The following GREM2 variants were observed in gnomAD, a reference collection of about 807,000 sequenced individuals.
GREM2 encodes the protein gremlin 2, DAN family BMP antagonist.
GREM2 carries 11 observed loss-of-function variants against 14.2 expected under a neutral mutation model. The ratio of observed to expected loss-of-function variants is 0.78; its 90% CI spans 0.49 to 1.28. The LOEUF is 1.28. Among genes scored for constraint, GREM2 ranks in the 50% most tolerant of loss-of-function variants. The pLI is 0.00. For missense variants in GREM2, 210 were observed against 218.5 expected (o/e 0.96, Z 0.24); for synonymous variants, 98 against 97.6 (o/e 1.00, Z -0.02).
intron 1 of GREM2, among the ~76,000 whole-genome samples, chr1:240,505,137 C>T (rs1677650478): frequency 6.6e-6 from 1 of 152,074 alleles, no homozygotes; most frequent in Non-Finnish European, 1.5e-5. Context: ...CTTCCTCCTG[C>T]TCTGGCCATG....
chr1:240,494,832 C>T (rs550233285), intron 1 of GREM2, among the ~76,000 whole-genome samples: 1 of 151,972 alleles, frequency 6.6e-6, no homozygotes, highest in South Asian at 2.1e-4. Context: ...ACCCGGGAGG[C>T]GGAGCTTGCA....
At position 240,530,786 on chromosome 1, in the gene GREM2, T is replaced by G. The variant is rs1678338235; in HGVS notation, c.-1-37310A>C. 2.0e-5 allele frequency: 3 copies of G among 152,214 alleles called. No homozygotes were observed. The South Asian group carries it at 6.2e-4, about 32-fold the overall frequency. The allele number at this position is 152,214 out of a possible 1,614,324, so 9.4% of individuals were successfully genotyped here. On this transcript the variant is annotated intron_variant, in intron 1 of 1. Coordinates refer to ENST00000318160, the MANE Select transcript of GREM2 (RefSeq NM_022469.4). ...GAACTCCAAGCCAAACGCTATTCCT[T>G]CGGTTGTATTTTTCCTTGAATCTAA...
At chr1:240,596,297 C>T (rs531972261) in intron 1 of GREM2, among the ~76,000 whole-genome samples, 38 of 152,308 alleles carry the variant, frequency 2.5e-4, no homozygotes, top group African/African-American at 8.2e-4. Flanking sequence ...TATTTTCCCA[C>T]AGGAAAAGTT....
intron 1 of GREM2, among the ~76,000 whole-genome samples, chr1:240,603,762 T>TAC (rs1553280733): frequency 3.3e-5 from 5 of 151,936 alleles, no homozygotes; most frequent in East Asian, 1.9e-4. Context: ...TACATATACA[T>TAC]ACACACACAC....
chr1:240,582,665 C>T (rs115919791), intron 1 of GREM2, among the ~76,000 whole-genome samples: 2,643 of 151,858 alleles, frequency 0.017, 68 homozygotes, highest in African/African-American at 0.061. Flanking sequence ...TGCGTGGTGA[C>T]GTGCACCTGT....
At chr1:240,552,237 C>T (rs1480061553) in intron 1 of GREM2, among the ~76,000 whole-genome samples, 1 of 152,108 alleles carries the variant, frequency 6.6e-6, no homozygotes, top group Non-Finnish European at 1.5e-5. Context: ...AAAGTCATAT[C>T]CAGTTTTTAG....
chr1:240,551,666 T>C (rs1319499212), intron 1 of GREM2, among the ~76,000 whole-genome samples: 1 of 152,046 alleles, frequency 6.6e-6, no homozygotes, highest in Non-Finnish European at 1.5e-5. Context: ...ACCTATTTTC[T>C]AAATGAACTA....
At chr1:240,495,756 A>G (rs752846141) in intron 1 of GREM2, among the ~76,000 whole-genome samples, 3 of 152,120 alleles carry the variant, frequency 2.0e-5, no homozygotes, top group Non-Finnish European at 4.4e-5. Flanking sequence ...TAAAATATCT[A>G]TGCTAAAATT....
At chr1:240,591,062 G>A (rs375208521) in intron 1 of GREM2, among the ~76,000 whole-genome samples, 7 of 152,264 alleles carry the variant, frequency 4.6e-5, no homozygotes, top group African/African-American at 9.6e-5. Context: ...TTACAGGCGT[G>A]AGCCACCATG....
intron 1 of GREM2, among the ~76,000 whole-genome samples, chr1:240,596,724 A>G (rs982115803): frequency 1.3e-5 from 2 of 151,912 alleles, no homozygotes; most frequent in Non-Finnish European, 2.9e-5. Context: ...AGGTGACTCA[A>G]TCTATTTCTA....
At chr1:240,555,606 T>C (rs1678940837) in intron 1 of GREM2, among the ~76,000 whole-genome samples, 1 of 152,230 alleles carries the variant, frequency 6.6e-6, no homozygotes, top group Non-Finnish European at 1.5e-5. Context: ...ATGAAAATTG[T>C]GCATTAACTA....
At chr1:240,493,546 T>C (rs565105074) in intron 1 of GREM2, 70 bp from the exon 2 acceptor site, 16 of 1,436,764 alleles carry the variant, frequency 1.1e-5, no homozygotes, top group African/African-American at 1.4e-5. Context: ...TACTTATTTT[T>C]TTTTTTATTT....
At chr1:240,510,607 TA>T (rs1677802573) in intron 1 of GREM2, among the ~76,000 whole-genome samples, 1 of 152,132 alleles carries the variant, frequency 6.6e-6, no homozygotes, top group Admixed American at 6.5e-5. Flanking sequence ...ATTGTACACC[TA>T]AGATTGTTAA....
intron 1 of GREM2, among the ~76,000 whole-genome samples, chr1:240,536,338 A>C (rs1572387901): frequency 6.6e-6 from 1 of 152,344 alleles, no homozygotes; most frequent in South Asian, 2.1e-4. Context: ...AAATGGGAAG[A>C]AAGGGTCATG....
At chr1:240,493,538 C>CT (rs200933263) in intron 1 of GREM2, 62 bp from the exon 2 acceptor site, 77,691 of 1,426,148 alleles carry the variant, frequency 0.054, 555 homozygotes, top group Middle Eastern at 0.086. Context: ...ATCAATCTTA[C>CT]TTATTTTTTT....
intron 1 of GREM2, among the ~76,000 whole-genome samples, chr1:240,579,883 T>C (rs966646787): frequency 1.3e-5 from 2 of 152,192 alleles, no homozygotes; most frequent in African/African-American, 4.8e-5. Context: ...GAAAGATACA[T>C]AAGTAACTTT....
chr1:240,504,073 A>T (rs536329817), intron 1 of GREM2, among the ~76,000 whole-genome samples: 61 of 152,336 alleles, frequency 4.0e-4, no homozygotes, highest in Non-Finnish European at 8.1e-4. Context: ...AACTGGCTTA[A>T]CTTCTCAATA....
intron 1 of GREM2, among the ~76,000 whole-genome samples, chr1:240,547,530 TATATAG>T (rs1225816097): frequency 3.6e-4 from 50 of 137,268 alleles, no homozygotes; most frequent in East Asian, 1.3e-3. Flanking sequence ...TATATATATA[TATATAG>T]ATAGATAGAT....
At chr1:240,593,116 C>A (rs937923582) in intron 1 of GREM2, among the ~76,000 whole-genome samples, 8 of 151,892 alleles carry the variant, frequency 5.3e-5, no homozygotes, top group African/African-American at 1.9e-4. Flanking sequence ...TGCAATCCAG[C>A]CTGGGCAACA....
Sources: allele counts gnomAD v4.1 joint callset (sites outside exome capture counted in the v4.1 genomes callset), GRCh38; gene constraint gnomAD v4.1.1; transcripts MANE v1.5; gene names NCBI Gene and HGNC (gene_info 2026-07-23, HGNC 2026-07-21).